PLEKHG1: variants seen among roughly 807,000 people sequenced by gnomAD.
PLEKHG1 encodes pleckstrin homology and RhoGEF domain containing G1.
PLEKHG1 carries 44 observed loss-of-function variants against 100.8 expected under a neutral mutation model. The ratio of observed to expected loss-of-function variants is 0.44; its 90% confidence interval spans 0.34 to 0.56. The LOEUF is 0.56. PLEKHG1 is among the 20% of genes least tolerant of loss of function. The probability of loss-of-function intolerance (pLI) is 0.01; values close to 1 mark genes in which losing one functional copy is unlikely to be tolerated. For synonymous variants in PLEKHG1, 640 were observed against 662.5 expected (o/e 0.97, Z 0.52); for missense variants, 1,545 against 1,720.9 (o/e 0.90, Z 1.81).
chr6:150,762,888 C>T (rs1385062802), intron 2 of PLEKHG1, among the ~76,000 whole-genome samples: 1 of 152,198 alleles, frequency 6.6e-6, no homozygotes, highest in East Asian at 1.9e-4. Flanking sequence ...GGGCTTCTTT[C>T]ATTTGCAGTG....
intron 5 of PLEKHG1, 134 bp downstream of exon 6, chr6:150,796,036 G>T: frequency 3.3e-6 from 2 of 599,520 alleles, no homozygotes; most frequent in Admixed American, 2.2e-5. Context: ...AATGCAAAAC[G>T]TGCTGAGAAC....
chr6:150,797,237 G>A (rs1483479679), intron 5 of PLEKHG1, among the ~76,000 whole-genome samples: 2 of 152,156 alleles, frequency 1.3e-5, no homozygotes, highest in Admixed American at 6.6e-5. Flanking sequence ...GGTCCCTGAC[G>A]ATAAAGTGGA....
chr6:150,760,620 T>C (rs914289005), intron 2 of PLEKHG1, among the ~76,000 whole-genome samples: 18 of 149,858 alleles, frequency 1.2e-4, no homozygotes, highest in Non-Finnish European at 1.5e-5. Flanking sequence ...CATAGATTAT[T>C]TCAGAAATGC....
intron 3 of PLEKHG1, among the ~76,000 whole-genome samples, chr6:150,667,219 T>A (rs191456286): frequency 2.0e-5 from 3 of 152,328 alleles, no homozygotes; most frequent in African/African-American, 7.2e-5. Flanking sequence ...GTTAGCTAAC[T>A]ACTAATATTT....
At chr6:150,601,222 T>C (rs1174562297) in intron 1 of PLEKHG1, among the ~76,000 whole-genome samples, 2 of 152,214 alleles carry the variant, frequency 1.3e-5, no homozygotes, top group Non-Finnish European at 2.9e-5. Flanking sequence ...ATTCTCAGAT[T>C]CTGTAGACAG....
intron 1 of PLEKHG1, among the ~76,000 whole-genome samples, chr6:150,604,512 G>C (rs566022621): frequency 6.6e-6 from 1 of 152,230 alleles, no homozygotes; most frequent in East Asian, 1.9e-4. Flanking sequence ...GCTGGATGTA[G>C]CCTGCAGCTA....
At chr6:150,757,978 G>A (rs1783938861) in intron 2 of PLEKHG1, among the ~76,000 whole-genome samples, 1 of 152,142 alleles carries the variant, frequency 6.6e-6, no homozygotes, top group African/African-American at 2.4e-5. Context: ...TTAGGTTGCT[G>A]AGGATAACAG....
intron 3 of PLEKHG1, among the ~76,000 whole-genome samples, chr6:150,706,998 C>CTTTTTTTTTTTT (rs71014517): frequency 5.4e-4 from 28 of 51,912 alleles, no homozygotes; most frequent in African/African-American, 1.4e-3. Context: ...TTTTCTTTTT[C>CTTTTTTTTTTTT]TTTTTTTTTT....
chr6:150,756,208 T>TG (rs556584216), intron 2 of PLEKHG1, among the ~76,000 whole-genome samples: 68 of 152,304 alleles, frequency 4.5e-4, no homozygotes, highest in African/African-American at 1.6e-3. Context: ...GTCAAGTTTC[T>TG]GGGGAACATC....
At chr6:150,732,569 A>G (rs1782325556) in intron 1 of PLEKHG1, among the ~76,000 whole-genome samples, 1 of 152,218 alleles carries the variant, frequency 6.6e-6, no homozygotes, top group Non-Finnish European at 1.5e-5. Context: ...CCCTTTACAC[A>G]TCTAGGCTAG....
exon 16 of PLEKHG1, chr6:150,842,693 A>G (rs1364536481): frequency 6.6e-6 from 1 of 152,094 alleles, no homozygotes; most frequent in Non-Finnish European, 1.5e-5. Flanking sequence ...GTACCACAAG[A>G]AAGTTTTTTT....
At chr6:150,611,943 G>A (rs1266106066) in intron 1 of PLEKHG1, among the ~76,000 whole-genome samples, 5 of 152,056 alleles carry the variant, frequency 3.3e-5, no homozygotes, top group Non-Finnish European at 5.9e-5. Flanking sequence ...ATGGGGTTGG[G>A]GATTTATCTT....
chr6:150,822,002 T>C (rs148312873), intron 13 of PLEKHG1, among the ~76,000 whole-genome samples: 2,991 of 150,364 alleles, frequency 0.02, 40 homozygotes, highest in Non-Finnish European at 0.03. Flanking sequence ...CCACCGCGCC[T>C]GGCTAATTTT....
intron 2 of PLEKHG1, among the ~76,000 whole-genome samples, chr6:150,737,983 T>G (rs1217662965): frequency 6.6e-6 from 1 of 151,758 alleles, no homozygotes; most frequent in Non-Finnish European, 1.5e-5. Flanking sequence ...TTTTTTTTTT[T>G]TTTTAATTTT....
intron 1 of PLEKHG1, among the ~76,000 whole-genome samples, chr6:150,630,912 T>C (rs1777721873): frequency 6.6e-6 from 1 of 152,052 alleles, no homozygotes; most frequent in South Asian, 2.1e-4. Flanking sequence ...CAGTGGAGAA[T>C]GTGCATCCTA....
At chr6:150,688,972 G>A (rs1014444015) in intron 3 of PLEKHG1, among the ~76,000 whole-genome samples, 5 of 152,178 alleles carry the variant, frequency 3.3e-5, no homozygotes, top group African/African-American at 1.2e-4. Context: ...ACCATCACCA[G>A]TATTTTTATA....
intron 1 of PLEKHG1, among the ~76,000 whole-genome samples, chr6:150,615,512 C>T (rs891503369): frequency 2.0e-5 from 3 of 152,166 alleles, no homozygotes; most frequent in African/African-American, 7.2e-5. Context: ...TCTCATTTTC[C>T]TGCATTGCAG....
At chr6:150,736,629 C>T (rs1191070602) in intron 2 of PLEKHG1, among the ~76,000 whole-genome samples, 8 of 152,044 alleles carry the variant, frequency 5.3e-5, no homozygotes, top group African/African-American at 1.7e-4. Flanking sequence ...ATTAGCCGGG[C>T]ATGGTGGTGC....
chr6:150,662,685 G>T (rs142539752), intron 3 of PLEKHG1: 1 of 152,188 alleles, frequency 6.6e-6, no homozygotes, highest in Non-Finnish European at 1.5e-5. Context: ...GATTATAGGC[G>T]TGAGCCACCG....
Sources: gnomAD v4.1 joint callset for allele counts (sites outside exome capture counted in the v4.1 genomes callset) on GRCh38, gnomAD v4.1.1 for gene constraint, MANE v1.5 for transcripts, NCBI Gene and HGNC (gene_info 2026-07-23, HGNC 2026-07-21) for gene names.